The following RBL1 variants were observed in gnomAD, a reference collection of about 807,000 sequenced individuals.
RBL1 encodes retinoblastoma-like protein 1.
Under a neutral mutation model 123.0 loss-of-function variants are expected in RBL1, and 82 were observed. That is an observed-to-expected ratio of 0.67 (90% CI 0.56 to 0.80). The LOEUF (loss-of-function observed/expected upper bound fraction) is 0.80. Ranked by LOEUF, RBL1 falls within the 30% of genes least tolerant of loss-of-function variation. The pLI is 0.00. For missense variants in RBL1, 1,171 were observed against 1,299.6 expected, an observed-to-expected ratio of 0.90 and a Z score of 1.52; for synonymous variants, 405 against 441.3, an observed-to-expected ratio of 0.92 and a Z score of 1.03.
At chr20:37,039,470 A>G (rs1312661406) in intron 14 of RBL1, among the ~76,000 whole-genome samples, 1 of 152,152 alleles carries the variant, frequency 6.6e-6, no homozygotes, top group Non-Finnish European at 1.5e-5. Flanking sequence ...GGTCTTTCCC[A>G]TGCTGTTCTC....
chr20:37,067,902 A>C lies in RBL1; in HGVS notation c.491+84T>G, dbSNP rs1568875929. The C allele has an allele frequency of 2.1e-6, 3 of 1,459,340 alleles. No homozygotes were observed. The African/African-American group carries it at 4.3e-5, about 21-fold the overall frequency. 90.4% of individuals were successfully genotyped at this position (1,459,340 alleles called of 1,614,324 possible). ...TAAGTTCTTTGCAGGAATACTTTTC[A>C]TAAAAAACAGACTTTCAAAAAAGTA... is the stretch of plus-strand genomic sequence containing the variant. On this transcript the variant is annotated intron_variant, in intron 3 of 21. Coordinates refer to ENST00000373664, the MANE Select transcript of RBL1 (RefSeq NM_002895.5).
chr20:37,067,367 T>C (rs2065195764), intron 3 of RBL1, 70 bp from the exon 4 acceptor site: 2 of 1,149,476 alleles, frequency 1.7e-6, no homozygotes, highest in Non-Finnish European at 2.5e-6. Context: ...AAATAGTAAA[T>C]GTAAATATCA....
At chr20:37,029,102 G>A (rs2064466425) in intron 16 of RBL1, among the ~76,000 whole-genome samples, 1 of 151,978 alleles carries the variant, frequency 6.6e-6, no homozygotes, top group South Asian at 2.1e-4. Context: ...AGGGAAAATG[G>A]CCACATAATC....
chr20:37,041,385 G>C (rs935579127), intron 13 of RBL1, among the ~76,000 whole-genome samples: 1 of 151,906 alleles, frequency 6.6e-6, no homozygotes, highest in East Asian at 1.9e-4. Context: ...GCAATGGCAC[G>C]ATCTCAGCTC....
chr20:37,056,093 TG>T (rs1310926075), intron 10 of RBL1, 52 bp downstream of exon 10: 7 of 1,549,754 alleles, frequency 4.5e-6, no homozygotes, highest in Admixed American at 2.1e-5. Flanking sequence ...TTTCTAATTT[TG>T]GGGGGATTAC....
At chr20:37,095,426 G>C (rs1374444158) in intron 1 of RBL1, among the ~76,000 whole-genome samples, 1 of 152,138 alleles carries the variant, frequency 6.6e-6, no homozygotes, top group African/African-American at 2.4e-5. Flanking sequence ...GTGATGTCTT[G>C]GCATGCAGTT....
Position 37,035,461 on chromosome 20 carries a change from G to C in RBL1, c.1951C>G (p.Pro651Ala), listed in dbSNP as rs752466990. Residue 651 changes from proline (P) to alanine (A), a missense_variant, in exon 15 of 22, where the codon CCT becomes GCT. By Grantham distance (27) the Pro-to-Ala change is conservative. Transcript: ENST00000373664. ...CTTCTCTTAGCACTCCCTGCGGTAG[G>C]AGAACTGTAGCGTTCATGGACAGAA... ...PISVHERYSS[P>A]TAGSAKRRLF... The C allele has an allele frequency of 9.3e-6, 15 of 1,612,000 alleles. No individual in the cohort carries two copies. In the South Asian group the frequency reaches 1.7e-4, roughly 18 times the overall value.
In RBL1 at chr20:36,999,805, C is replaced by G. The variant is rs553998978; in HGVS notation, c.3037-876G>C. 2.0e-5 allele frequency among the ~76,000 whole-genome samples: 3 copies of G among 152,356 alleles called. No individual in the cohort carries two copies. In the East Asian group the frequency reaches 5.8e-4, roughly 29 times the overall value. ...GCGTTTACTCAGTGCTCAATGGTGC[C>G]CAGGCTGGAGTGCAGTGGCGTGATC... On this transcript the variant is annotated intron_variant, in intron 21 of 21. Coordinates refer to ENST00000373664, the MANE Select transcript of RBL1 (RefSeq NM_002895.5).
chr20:37,069,911 T>A (rs1168113398), intron 2 of RBL1, among the ~76,000 whole-genome samples: 1 of 146,634 alleles, frequency 6.8e-6, no homozygotes, highest in East Asian at 2.1e-4. Context: ...TCTGCCCAGC[T>A]GCCCCTACTG....
intron 20 of RBL1, among the ~76,000 whole-genome samples, chr20:37,006,023 G>A (rs1434070471): frequency 6.7e-6 from 1 of 149,880 alleles, no homozygotes; most frequent in Non-Finnish European, 1.5e-5. Flanking sequence ...AGCTTGCTGA[G>A]TAGTTGGGAC....
Position 37,044,219 on chromosome 20 carries a change from C to T in RBL1, c.1637G>A (p.Gly546Glu). The T allele has an allele frequency of 6.2e-7, 1 of 1,613,686 alleles. No homozygotes were observed. The highest frequency in any genetic ancestry group is 8.5e-7 in the Non-Finnish European group (1 of 1,179,860). ...VIEVVIRSEE[G>E]LSRDMVKHLN... ...GTGTTTCACCATGTCCCTTGAGAGC[C>T]CCTCTTCTGAGCGGATCACCACCTC... Residue 546 changes from glycine (G) to glutamate (E), a missense_variant, in exon 13 of 22, where the codon GGG becomes GAG. Transcript: ENST00000373664.
At chr20:37,001,013 G>T (rs1337347517) in intron 21 of RBL1, among the ~76,000 whole-genome samples, 8 of 140,258 alleles carry the variant, frequency 5.7e-5, no homozygotes, top group Admixed American at 5.5e-4. Context: ...CGCCCCATCC[G>T]GGAGGGAGGT....
At chr20:37,043,135 C>T (rs1347903332) in intron 13 of RBL1, among the ~76,000 whole-genome samples, 1 of 148,546 alleles carries the variant, frequency 6.7e-6, no homozygotes, top group African/African-American at 2.5e-5. Context: ...ATGGCAAGAT[C>T]CTGTCTCTAC....
chr20:37,085,297 TA>T (rs2065523340), intron 2 of RBL1, among the ~76,000 whole-genome samples: 1 of 151,612 alleles, frequency 6.6e-6, no homozygotes, highest in African/African-American at 2.4e-5. Flanking sequence ...CACGCCCAGC[TA>T]ATTTTTTTGT....
intron 13 of RBL1, 50 bp downstream of exon 13, chr20:37,044,036 T>G (rs781487990): frequency 1.5e-5 from 18 of 1,186,008 alleles, no homozygotes; most frequent in Admixed American, 1.3e-4. Context: ...AAAGCTGGTT[T>G]TTTTTTTTTT....
At position 37,012,727 on chromosome 20, in the gene RBL1, CG is replaced by C. The variant is rs559096156; in HGVS notation, c.2723-5169del. Among the ~76,000 whole-genome samples the C allele has an allele frequency of 1.5e-3, 214 of 145,722 alleles. 2 individuals are homozygous for C. Among genetic ancestry groups the C allele is most frequent in the African/African-American group, 5.2e-3 (203 of 39,304 alleles). On this transcript the variant is annotated intron_variant, in intron 19 of 21. Transcript: ENST00000373664. ...CCCCCGCCAGGCCAGCCGCCCCGTC[CG>C]GGAGGGAGGTGGGGGGGTCAGCCCC...
At chr20:37,033,434 C>A (rs6030887) in intron 15 of RBL1, among the ~76,000 whole-genome samples, 1 of 151,472 alleles carries the variant, frequency 6.6e-6, no homozygotes, top group Non-Finnish European at 1.5e-5. Flanking sequence ...CTGCCCTCCT[C>A]GGCCTCCCAA....
chr20:37,020,088 C>CTTT (rs34470853), intron 18 of RBL1, among the ~76,000 whole-genome samples: 3 of 135,844 alleles, frequency 2.2e-5, no homozygotes, highest in East Asian at 4.3e-4. Context: ...TTATACATAA[C>CTTT]TTTTTTTTTT....
intron 21 of RBL1, among the ~76,000 whole-genome samples, chr20:37,000,981 G>A (rs1162626122): frequency 2.8e-5 from 4 of 142,576 alleles, no homozygotes; most frequent in African/African-American, 1.1e-4. Flanking sequence ...TGGGAAGAGA[G>A]GAGCCCCTCT....
Sources: gnomAD v4.1 joint callset for allele counts (sites outside exome capture counted in the v4.1 genomes callset) on GRCh38, gnomAD v4.1.1 for gene constraint, MANE v1.5 for transcripts, NCBI Gene and HGNC (gene_info 2026-07-23, HGNC 2026-07-21) for gene names.